The following PRPH2 variants were observed in gnomAD, a reference collection of about 807,000 sequenced individuals.
PRPH2 encodes the protein peripherin-2.
In PRPH2, 17 loss-of-function variants were observed where a neutral mutation model predicts 31.3. That is an observed-to-expected ratio of 0.54 (90% CI 0.37 to 0.81). The LOEUF (loss-of-function observed/expected upper bound fraction) is 0.81, where lower values mean the gene tolerates loss of function less well. Among genes scored for constraint, PRPH2 ranks in the 40% least tolerant of loss-of-function variants. The probability of loss-of-function intolerance (pLI) is 0.00; values close to 1 mark genes in which losing one functional copy is unlikely to be tolerated. For missense variants in PRPH2, 430 were observed against 439.7 expected (o/e 0.98, Z 0.20); for synonymous variants, 165 against 184.4 (o/e 0.89, Z 0.85).
At chr6:42,702,258 C>G (rs12209392) in intron 2 of PRPH2, among the ~76,000 whole-genome samples, 3 of 149,238 alleles carry the variant, frequency 2.0e-5, no homozygotes, top group African/African-American at 2.5e-5. Flanking sequence ...AAAAAAAAGG[C>G]GGCTTCCTGG....
chr6:42,704,222 C>A, intron 2 of PRPH2, 143 bp downstream of exon 2: 1 of 1,073,640 alleles, frequency 9.3e-7, no homozygotes. Flanking sequence ...GGGTTCAAGC[C>A]CAGACTGATC....
At chr6:42,700,473 G>A (rs1800026344) in intron 2 of PRPH2, among the ~76,000 whole-genome samples, 1 of 152,186 alleles carries the variant, frequency 6.6e-6, no homozygotes, top group South Asian at 2.1e-4. Context: ...GAGGGCCTCA[G>A]TAAATCTCTT....
chr6:42,721,743 A>C lies in PRPH2; in HGVS notation c.581+11T>G. ...TTCATAGCTCTGACCCCAGGACTGG[A>C]AGCCACTCACTCTTTGACTTCTTTG... On this transcript the variant is annotated intron_variant, in intron 1 of 2. Transcript: ENST00000230381. The C allele has an allele frequency of 6.2e-7, 1 of 1,614,052 alleles. No homozygotes were observed. The highest frequency in any genetic ancestry group is 8.5e-7 in the Non-Finnish European group (1 of 1,179,976).
intron 2 of PRPH2, 45 bp downstream of exon 2, chr6:42,704,320 C>T (rs768122667): frequency 1.9e-6 from 3 of 1,588,602 alleles, no homozygotes; most frequent in Non-Finnish European, 2.6e-6. Flanking sequence ...CAAATGGGAC[C>T]GGAGGCTCTC....
Position 42,696,834 on chromosome 6 carries a change from A to C in PRPH2, c.*1461T>G, listed in dbSNP as rs1222023385. The C allele has an allele frequency of 6.6e-6, 1 of 151,890 alleles. No homozygotes were observed. The highest frequency in any genetic ancestry group is 2.4e-5 in the African/African-American group (1 of 41,324). 9.4% of individuals were successfully genotyped at this position (151,890 alleles called of 1,614,324 possible). A position where few individuals can be genotyped will look rare whatever the true frequency, so the allele number is the denominator to read the frequency against. On this transcript the variant is annotated 3_prime_UTR_variant, in exon 3 of 3. Transcript: ENST00000230381. Reference sequence around the variant, plus strand: ...GGGACCAACGTCTGACAGGGTGTCCAAACATCTTGGATCTGGTCTTCTGCT... The same window carrying C: ...GGGACCAACGTCTGACAGGGTGTCCCAACATCTTGGATCTGGTCTTCTGCT...
intron 2 of PRPH2, among the ~76,000 whole-genome samples, chr6:42,702,158 C>T (rs1409579352): frequency 1.3e-5 from 2 of 151,840 alleles, no homozygotes; most frequent in Non-Finnish European, 2.9e-5. Context: ...AGAAGAATCA[C>T]TTGAACCCAG....
In PRPH2 at chr6:42,698,509, T is replaced by C; in HGVS notation, c.829-2A>G. The C allele has an allele frequency of 6.2e-7, 1 of 1,614,132 alleles. No individual in the cohort carries two copies. On this transcript the variant is annotated splice_acceptor_variant, in intron 2 of 2. Transcript: ENST00000230381. LOFTEE classifies it high-confidence loss of function. ...GCGCAGCCCAATTGTAATGGTCACC[T>C]GGTGGTGGGAGAGGAGATTTAGAGG...
intron 1 of PRPH2, 39 bp downstream of exon 1, chr6:42,721,715 A>G: frequency 6.2e-7 from 1 of 1,610,400 alleles, no homozygotes; most frequent in Non-Finnish European, 8.5e-7. Flanking sequence ...TGTCCCCAAT[A>G]TATTCATAGC....
At chr6:42,712,318 A>G (rs1481518864) in intron 1 of PRPH2, among the ~76,000 whole-genome samples, 1 of 152,216 alleles carries the variant, frequency 6.6e-6, no homozygotes, top group East Asian at 1.9e-4. Context: ...TTCCGAGACT[A>G]TCAGGGAAAA....
intron 1 of PRPH2, among the ~76,000 whole-genome samples, chr6:42,705,568 T>C (rs1362233691): frequency 1.0e-5 from 1 of 96,414 alleles, no homozygotes; most frequent in Non-Finnish European, 2.1e-5. Context: ...AGAACAAGAC[T>C]TTCTCTAAAA....
At chr6:42,720,870 AGCCC>A (rs1222809984) in intron 1 of PRPH2, among the ~76,000 whole-genome samples, 5 of 152,246 alleles carry the variant, frequency 3.3e-5, no homozygotes, top group Admixed American at 3.3e-4. Context: ...TGGGAAGAGC[AGCCC>A]GCTGGAGCCA....
At position 42,704,521 on chromosome 6, in the gene PRPH2, C is replaced by T. The variant is rs531163228; in HGVS notation, c.672G>A (p.Gln224=). Residue 224 remains glutamine (Q), a synonymous_variant, in exon 2 of 3, where the codon CAG becomes CAA. Coordinates refer to ENST00000230381, the MANE Select transcript of PRPH2 (RefSeq NM_000322.5). ...CNPSSPRPCI[Q]YQITNNSAHY... ...GTGCTGAGTTGTTGGTGATCTGATA[C>T]TGGATGCAGGGCCGTGGCGAGCTAG... 6.2e-7 allele frequency: 1 copy of T among 1,614,086 alleles called. No homozygotes were observed. The highest frequency in any genetic ancestry group is 8.5e-7 in the Non-Finnish European group (1 of 1,180,046).
At chr6:42,714,299 T>C (rs1761730972) in intron 1 of PRPH2, among the ~76,000 whole-genome samples, 2 of 152,092 alleles carry the variant, frequency 1.3e-5, no homozygotes, top group Non-Finnish European at 2.9e-5. Flanking sequence ...CAGGGAAATC[T>C]ATAGATACAG....
At chr6:42,709,371 C>T (rs1422794956) in intron 1 of PRPH2, among the ~76,000 whole-genome samples, 1 of 144,456 alleles carries the variant, frequency 6.9e-6, no homozygotes, top group African/African-American at 2.6e-5. Flanking sequence ...GTCCAGCCCA[C>T]AGCAGTTGCC....
rs150695654 is a variant in PRPH2, at chr6:42,722,035, C to T, written c.300G>A (p.Pro100=). Residue 100 remains proline (P), a synonymous_variant, in exon 1 of 3, where the codon CCG becomes CCA. Coordinates refer to ENST00000230381, the MANE Select transcript of PRPH2 (RefSeq NM_000322.5). This position sits in a 1 kb window ranked among gnomAD's most constrained non-coding sequence, Gnocchi z 4.4. The part of the protein sequence containing the change: ...KYARWKPWLK[P]YLAICVLFNI... ...TGAAGAGAACACAGATAGCCAGGTACGGCTTCAGCCAGGGCTTCCATCTGG... is the reference window on the plus strand; with the variant it reads ...TGAAGAGAACACAGATAGCCAGGTATGGCTTCAGCCAGGGCTTCCATCTGG... 59 of 1,614,140 alleles carry T rather than the reference C, an allele frequency of 3.7e-5. No homozygotes were observed. Among genetic ancestry groups the T allele is most frequent in the African/African-American group, 2.7e-4 (20 of 75,036 alleles).
At chr6:42,708,042 T>TA (rs1800201556) in intron 1 of PRPH2, among the ~76,000 whole-genome samples, 1 of 152,178 alleles carries the variant, frequency 6.6e-6, no homozygotes, top group South Asian at 2.1e-4. Context: ...TATTAATACA[T>TA]AGTAGCCATG....
chr6:42,698,974 T>C (rs1582760152), intron 2 of PRPH2, among the ~76,000 whole-genome samples: 1 of 151,934 alleles, frequency 6.6e-6, no homozygotes, highest in South Asian at 2.1e-4. Context: ...TTGGCACATA[T>C]TGGGTAGTTC....
intron 2 of PRPH2, among the ~76,000 whole-genome samples, 200 bp downstream of exon 2, chr6:42,704,165 G>GAATGAATAAATAAATA (rs1554269013): frequency 8.0e-5 from 12 of 150,236 alleles, no homozygotes; most frequent in African/African-American, 2.9e-4. Context: ...AGAAATAAAT[G>GAATGAATAAATAAATA]AATAAATAAA....
rs558252095 is a variant in PRPH2, at chr6:42,716,726, T to G, written c.581+5028A>C. ...ATCTCCGCCTCCCAGATTGAAGCAA[T>G]TCTCCTGCCTCAGCCTCCCAAGTAG... On this transcript the variant is annotated intron_variant, in intron 1 of 2. Transcript: ENST00000230381. 1.2e-4 allele frequency among the ~76,000 whole-genome samples: 18 copies of G among 146,244 alleles called. No individual in the cohort carries two copies. In the South Asian group the frequency reaches 4.0e-3, roughly 32 times the overall value.
Sources: gnomAD v4.1 joint callset for allele counts (sites outside exome capture counted in the v4.1 genomes callset) on GRCh38, gnomAD v4.1.1 for gene constraint, Gnocchi (gnomAD v3.1) non-coding constraint, MANE v1.5 for transcripts, NCBI Gene and HGNC (gene_info 2026-07-23, HGNC 2026-07-21) for gene names.